Variants in DYNC2H1 observed in about 807,000 individuals in gnomAD.
DYNC2H1 encodes the protein dynein cytoplasmic 2 heavy chain 1.
A neutral mutation model predicts 570.0 loss-of-function variants in DYNC2H1; 410 were observed. That is an observed-to-expected ratio of 0.72 (90% CI 0.66 to 0.78). DYNC2H1 has a LOEUF of 0.78. Among genes scored for constraint, DYNC2H1 ranks in the 30% least tolerant of loss-of-function variants. The pLI is 0.00. For synonymous variants in DYNC2H1, 1,688 were observed against 1,677.6 expected (o/e 1.01, Z -0.15); for missense variants, 4,865 against 5,046.4 (o/e 0.96, Z 1.09).
At position 103,163,156 on chromosome 11, in the gene DYNC2H1, G is replaced by T. The variant is rs1861166515; in HGVS notation, c.4611+9G>T. On this transcript the variant is annotated intron_variant, in intron 30 of 88. Transcript: ENST00000375735. This position sits in a 1 kb window ranked among gnomAD's most constrained non-coding sequence, Gnocchi z 4.6. ...CTCTGTTCCCTTCACAGGTAAGGGG[G>T]CTTACGTGTAGAAGCTACATAGGCA... 1 of 1,605,620 alleles carries T rather than the reference G, an allele frequency of 6.2e-7. No homozygotes were observed. The highest frequency in any genetic ancestry group is 1.1e-5 in the South Asian group (1 of 89,284).
Position 103,211,957 on chromosome 11 carries a change from A to G in DYNC2H1, c.8694+14A>G, listed in dbSNP as rs1355487667. The G allele has an allele frequency of 6.7e-7, 1 of 1,497,600 alleles. No homozygotes were observed. The highest frequency in any genetic ancestry group is 8.9e-7 in the Non-Finnish European group (1 of 1,123,872). 92.8% of individuals were successfully genotyped at this position (1,497,600 alleles called of 1,614,324 possible). ...AGTCATTTGCAGGTATAGTATTGGT[A>G]ATCTTGAATTATTTTATCTATATAT... On this transcript the variant is annotated intron_variant, in intron 54 of 88. Coordinates refer to ENST00000375735, the MANE Select transcript of DYNC2H1 (RefSeq NM_001377.3).
At chr11:103,320,562 TTATTTTA>T (rs1177503686) in intron 80 of DYNC2H1, among the ~76,000 whole-genome samples, 1 of 152,258 alleles carries the variant, frequency 6.6e-6, no homozygotes, top group African/African-American at 2.4e-5. Context: ...GTTAATCAGA[TTATTTTA>T]TAAACTGACA....
chr11:103,153,697 A>T (rs1485636508), intron 22 of DYNC2H1, among the ~76,000 whole-genome samples, 189 bp downstream of exon 22: 2 of 152,038 alleles, frequency 1.3e-5, no homozygotes, highest in African/African-American at 4.8e-5. Flanking sequence ...AAGGATATTA[A>T]GAGAAAGCAA....
At chr11:103,346,876 G>GAC (rs1326389379) in intron 82 of DYNC2H1, among the ~76,000 whole-genome samples, 1 of 152,146 alleles carries the variant, frequency 6.6e-6, no homozygotes, top group Non-Finnish European at 1.5e-5. Context: ...AATTGGTTCA[G>GAC]ACAATTATTA....
At position 103,381,741 on chromosome 11, in the gene DYNC2H1, C is replaced by T. The variant is rs181261890; in HGVS notation, c.12157-17922C>T. ...GGATTACAGGCGTGAGCCACCATGCCCAATCTTTTATTAATTTAGACGCTA... is the reference window on the plus strand; with the variant it reads ...GGATTACAGGCGTGAGCCACCATGCTCAATCTTTTATTAATTTAGACGCTA... On this transcript the variant is annotated intron_variant, in intron 83 of 88. Transcript: ENST00000375735. Among the ~76,000 whole-genome samples the T allele has an allele frequency of 6.8e-4, 104 of 152,308 alleles. 1 individual carries two copies. The highest frequency in any genetic ancestry group is 1.9e-4 in the Non-Finnish European group (13 of 68,022).
At position 103,256,036 on chromosome 11, in the gene DYNC2H1, A is replaced by G. The variant is rs1002532228; in HGVS notation, c.10327-70A>G. 4.5e-6 allele frequency: 6 copies of G among 1,331,242 alleles called. No individual in the cohort carries two copies. Among genetic ancestry groups the G allele is most frequent in the Middle Eastern group, 2.6e-4 (1 of 3,916 alleles). 82.5% of individuals were successfully genotyped at this position (1,331,242 alleles called of 1,614,324 possible). A position where few individuals can be genotyped will look rare whatever the true frequency, so the allele number is the denominator to read the frequency against. On this transcript the variant is annotated intron_variant, in intron 67 of 88. Coordinates refer to ENST00000375735, the MANE Select transcript of DYNC2H1 (RefSeq NM_001377.3). The surrounding 1 kb of genome is among the most constrained non-coding windows in gnomAD (Gnocchi z 4.0). ...CATAAACATCAAATGAATGACAGTT[A>G]ATATGGGTTTGCTTTAATTGGTTAT...
chr11:103,128,891 T>G lies in DYNC2H1; in HGVS notation c.1858-19T>G. ...AAATGAAGTTATTAATTATTACTAA[T>G]TGGACTTTTACTTTGTAGGTGGCAC... On this transcript the variant is annotated intron_variant, in intron 12 of 88. Coordinates refer to ENST00000375735, the MANE Select transcript of DYNC2H1 (RefSeq NM_001377.3). 6.6e-7 allele frequency: 1 copy of G among 1,518,626 alleles called. No homozygotes were observed. The highest frequency in any genetic ancestry group is 1.8e-4 in the Middle Eastern group (1 of 5,456). The allele number at this position is 1,518,626 out of a possible 1,614,324, so 94.1% of individuals were successfully genotyped here.
chr11:103,172,887 G>C (rs1861631880), intron 34 of DYNC2H1, among the ~76,000 whole-genome samples, 195 bp from the exon 35 acceptor site: 1 of 150,502 alleles, frequency 6.6e-6, no homozygotes, highest in African/African-American at 2.4e-5. Flanking sequence ...ATCATATATT[G>C]AGTAAGGAGA....
chr11:103,124,421 G>T (rs1012621962), intron 11 of DYNC2H1, among the ~76,000 whole-genome samples: 1 of 141,852 alleles, frequency 7.0e-6, no homozygotes, highest in Non-Finnish European at 1.5e-5. Context: ...ACTCCAGCCT[G>T]GGTGTTGGAG....
chr11:103,469,078 ATAT>A (rs953554511), intron 88 of DYNC2H1, among the ~76,000 whole-genome samples: 2 of 152,198 alleles, frequency 1.3e-5, no homozygotes, highest in African/African-American at 2.4e-5. Flanking sequence ...TGCAAGGCAG[ATAT>A]TATTATTCCC....
At chr11:103,315,993 A>G (rs982006942) in intron 79 of DYNC2H1, among the ~76,000 whole-genome samples, 30 of 152,092 alleles carry the variant, frequency 2.0e-4, no homozygotes, top group Admixed American at 1.9e-3. Flanking sequence ...GAAGCCATAT[A>G]GAAATTATTT....
Position 103,158,698 on chromosome 11 carries a change from G to T in DYNC2H1, c.4149G>T (p.Lys1383Asn). 1 of 1,522,942 alleles carries T rather than the reference G, an allele frequency of 6.6e-7. No homozygotes were observed. 94.3% of individuals were successfully genotyped at this position (1,522,942 alleles called of 1,614,324 possible). Reference protein sequence around the residue: ...EDFRSIMTDIKKDNRVTTLTT... With the variant: ...EDFRSIMTDINKDNRVTTLTT... ...GTAGATCAATAATGACTGATATCAA[G>T]AAAGACAATAGAGTCACAACATTAA... is the stretch of plus-strand genomic sequence containing the variant. The change falls in exon 27 of 89, where the codon AAG becomes AAT. Residue 1383 changes from lysine to asparagine, a missense_variant. Around this residue, in one of 5 missense-constraint regions of DYNC2H1, gnomAD observed 1,936 missense variants for 1,962.1 expected, o/e 0.99. Transcript: ENST00000375735.
At position 103,153,430 on chromosome 11, in the gene DYNC2H1, C is replaced by CTCT; in HGVS notation, c.3226_3228dup (p.Leu1076dup). The CTCT allele has an allele frequency of 2.6e-6, 4 of 1,566,364 alleles. No homozygotes were observed. The highest frequency in any genetic ancestry group is 3.5e-6 in the Non-Finnish European group (4 of 1,155,044). ...GTTATTGAAACTGGCCAACATAATA[C>CTCT]TCTTGATAAAAGTGCAAAGTTAATA... On this transcript the variant is annotated inframe_insertion, in exon 22 of 89. Coordinates refer to ENST00000375735, the MANE Select transcript of DYNC2H1 (RefSeq NM_001377.3).
At chr11:103,200,833 A>G (rs1018393952) in intron 50 of DYNC2H1, among the ~76,000 whole-genome samples, 1 of 151,866 alleles carries the variant, frequency 6.6e-6, no homozygotes, top group Non-Finnish European at 1.5e-5. Context: ...TTGTTTGTTT[A>G]TTTATTTATT....
chr11:103,267,659 A>T (rs1261155552), intron 70 of DYNC2H1, among the ~76,000 whole-genome samples: 1 of 152,072 alleles, frequency 6.6e-6, no homozygotes, highest in East Asian at 1.9e-4. Flanking sequence ...AAATATTTTT[A>T]GAGTTTCAAG....
At chr11:103,351,938 C>T (rs1940076026) in intron 82 of DYNC2H1, among the ~76,000 whole-genome samples, 1 of 151,996 alleles carries the variant, frequency 6.6e-6, no homozygotes, top group South Asian at 2.1e-4. Context: ...ACTATAGCCC[C>T]ACTTAGAAAA....
chr11:103,318,906 C>A (rs992767901), intron 80 of DYNC2H1, among the ~76,000 whole-genome samples: 1 of 152,118 alleles, frequency 6.6e-6, no homozygotes, highest in Non-Finnish European at 1.5e-5. Flanking sequence ...ACATTCCCCA[C>A]CTCATACATG....
At chr11:103,358,405 A>G (rs769758092) in intron 83 of DYNC2H1, 46 bp downstream of exon 83, 5 of 1,291,412 alleles carry the variant, frequency 3.9e-6, no homozygotes, top group South Asian at 2.5e-5. Flanking sequence ...TTTCTCCCGC[A>G]TCGTAACCAT....
intron 83 of DYNC2H1, among the ~76,000 whole-genome samples, chr11:103,376,086 T>G (rs1214272149): frequency 6.6e-6 from 1 of 152,204 alleles, no homozygotes; most frequent in Non-Finnish European, 1.5e-5. Context: ...TCTCATATGA[T>G]CTGATGGTTT....
Sources: gnomAD v4.1 joint callset for allele counts (sites outside exome capture counted in the v4.1 genomes callset) on GRCh38, gnomAD v4.1.1 for gene constraint, gnomAD v4.1.1 regional missense constraint, Gnocchi (gnomAD v3.1) non-coding constraint, MANE v1.5 for transcripts, NCBI Gene and HGNC (gene_info 2026-07-23, HGNC 2026-07-21) for gene names.